Variants in CMC1 observed in about 807,000 individuals in gnomAD.
CMC1 encodes C-X9-C motif containing 1, also known as COX assembly mitochondrial protein homolog.
Under a neutral mutation model 14.1 loss-of-function variants are expected in CMC1, and 14 were observed. The observed-to-expected ratio is 0.99, with a 90% CI of 0.66 to 1.55. CMC1 has a LOEUF of 1.55. Ranked by LOEUF, CMC1 falls within the 40% of genes most tolerant of loss-of-function variation. The pLI, the probability that CMC1 is intolerant of heterozygous loss-of-function variation, is 0.00. For missense variants in CMC1, 127 were observed against 123.8 expected (o/e 1.03, Z -0.12); for synonymous variants, 50 against 38.4 (o/e 1.30, Z -1.12).
intron 3 of CMC1, chr3:28,317,682 G>A (rs917376140): frequency 6.6e-6 from 1 of 151,990 alleles, no homozygotes; most frequent in Non-Finnish European, 1.5e-5. Flanking sequence ...GGCAACCTGG[G>A]TTCAGCTTCT....
At chr3:28,279,961 A>T (rs572480039) in intron 2 of CMC1, among the ~76,000 whole-genome samples, 1 of 152,342 alleles carries the variant, frequency 6.6e-6, no homozygotes, top group East Asian at 1.9e-4. Context: ...CTGTATGCTA[A>T]TATTTATAGT....
chr3:28,291,610 G>A (rs1701473110), intron 2 of CMC1, among the ~76,000 whole-genome samples: 1 of 152,114 alleles, frequency 6.6e-6, no homozygotes, highest in Non-Finnish European at 1.5e-5. Flanking sequence ...TGACATTTGA[G>A]ATGAATCTTC....
In CMC1 at chr3:28,316,373, A is replaced by G; in HGVS notation, c.150A>G (p.Val50=). The change falls in exon 3 of 4, where the codon GTA becomes GTG. Residue 50 remains valine (V), a synonymous_variant. Coordinates refer to ENST00000466830, the MANE Select transcript of CMC1 (RefSeq NM_182523.2). ...GCAAGAACTCTGGAGTTCTTATGGT[A>G]GTAAAATGCCGGAAAGAAAATTCTG... The part of the protein sequence containing the change: ...KCCKNSGVLM[V]VKCRKENSAL... 6.3e-7 allele frequency: 1 copy of G among 1,596,822 alleles called. No individual in the cohort carries two copies. The highest frequency in any genetic ancestry group is 8.5e-7 in the Non-Finnish European group (1 of 1,173,496).
At chr3:28,274,783 C>T (rs373164306) in intron 2 of CMC1, among the ~76,000 whole-genome samples, 1 of 151,792 alleles carries the variant, frequency 6.6e-6, no homozygotes, top group African/African-American at 2.4e-5. Context: ...TACATAATCC[C>T]ATAGTTCTCG....
chr3:28,306,644 A>AT (rs201960912), intron 2 of CMC1, among the ~76,000 whole-genome samples: 4,773 of 141,922 alleles, frequency 0.034, 131 homozygotes, highest in African/African-American at 0.073. Flanking sequence ...AAAATGAAGA[A>AT]TTTTTTTTTT....
intron 2 of CMC1, among the ~76,000 whole-genome samples, chr3:28,314,103 G>T (rs1057209178): frequency 5.9e-5 from 9 of 152,166 alleles, no homozygotes; most frequent in African/African-American, 2.2e-4. Context: ...CCTTTAGCTA[G>T]CTTTAGCTAA....
At chr3:28,308,576 A>G (rs942762329) in intron 2 of CMC1, among the ~76,000 whole-genome samples, 13 of 152,240 alleles carry the variant, frequency 8.5e-5, no homozygotes, top group African/African-American at 3.1e-4. Context: ...ATCCTAGTTG[A>G]TAAAATGAAT....
intron 2 of CMC1, among the ~76,000 whole-genome samples, chr3:28,281,911 A>T (rs1344893051): frequency 6.6e-6 from 1 of 152,166 alleles, no homozygotes; most frequent in African/African-American, 2.4e-5. Context: ...CAGCAAAGAG[A>T]TTGACCTTAG....
rs182610124 is a variant in CMC1, at chr3:28,313,415, A to C, written c.110-2918A>C. Among the ~76,000 whole-genome samples the C allele has an allele frequency of 4.8e-3, 729 of 152,330 alleles. 7 individuals carry two copies. Among genetic ancestry groups the C allele is most frequent in the Non-Finnish European group, 7.2e-3 (491 of 68,030 alleles). ...AATTTTATAGTTTTTAATAGTAATT[A>C]AAATTATTGATAGAATCAGATATAC... On this transcript the variant is annotated intron_variant, in intron 2 of 3. Coordinates refer to ENST00000466830, the MANE Select transcript of CMC1 (RefSeq NM_182523.2).
At chr3:28,293,465 A>G (rs1305123666) in intron 2 of CMC1, among the ~76,000 whole-genome samples, 1 of 152,188 alleles carries the variant, frequency 6.6e-6, no homozygotes, top group Non-Finnish European at 1.5e-5. Flanking sequence ...GTGAACCAGG[A>G]CACATTAAGT....
chr3:28,264,221 C>A (rs1699889489), intron 2 of CMC1, among the ~76,000 whole-genome samples: 1 of 152,094 alleles, frequency 6.6e-6, no homozygotes, highest in East Asian at 1.9e-4. Flanking sequence ...TATTGAGGGA[C>A]CACAATAATT....
intron 2 of CMC1, among the ~76,000 whole-genome samples, chr3:28,265,587 A>T (rs1429164767): frequency 6.6e-6 from 1 of 151,236 alleles, no homozygotes; most frequent in Non-Finnish European, 1.5e-5. Context: ...TGCCTAAAAC[A>T]TGATTATGTA....
At chr3:28,246,752 A>G (rs575618049) in intron 1 of CMC1, among the ~76,000 whole-genome samples, 72 of 149,462 alleles carry the variant, frequency 4.8e-4, no homozygotes, top group African/African-American at 1.7e-3. Flanking sequence ...GACCTTGTAA[A>G]TATTTGCTTC....
rs375047554 is a variant in CMC1, at chr3:28,258,814, A to G, written c.20-4477A>G. ...TTTTATATTTTTTTTTAGTAGAGAC[A>G]GGGTTTCACTGTGTTAGCCAGGATG... is the stretch of plus-strand genomic sequence containing the variant. On this transcript the variant is annotated intron_variant, in intron 1 of 3. Coordinates refer to ENST00000466830, the MANE Select transcript of CMC1 (RefSeq NM_182523.2). Among the ~76,000 whole-genome samples, 15 of 151,544 alleles carry G rather than the reference A, an allele frequency of 9.9e-5. No homozygotes were observed. The East Asian group carries it at 1.9e-3, about 20-fold the overall frequency.
At chr3:28,245,196 A>G (rs142710029) in intron 1 of CMC1, among the ~76,000 whole-genome samples, 1 of 152,310 alleles carries the variant, frequency 6.6e-6, no homozygotes, top group East Asian at 1.9e-4. Flanking sequence ...TTAACTTTGT[A>G]GGGTCTCTGT....
intron 2 of CMC1, among the ~76,000 whole-genome samples, chr3:28,264,360 G>C (rs1298701564): frequency 6.6e-6 from 1 of 152,108 alleles, no homozygotes; most frequent in Non-Finnish European, 1.5e-5. Context: ...TCCCTTCCCT[G>C]TCCTCTGCCC....
chr3:28,265,501 C>T (rs748730560), intron 2 of CMC1, among the ~76,000 whole-genome samples: 5 of 152,032 alleles, frequency 3.3e-5, no homozygotes, highest in Admixed American at 6.6e-5. Flanking sequence ...TATATAAAAG[C>T]ATTATATATG....
chr3:28,297,391 A>G (rs1408586296), intron 2 of CMC1, among the ~76,000 whole-genome samples: 1 of 152,080 alleles, frequency 6.6e-6, no homozygotes, highest in Non-Finnish European at 1.5e-5. Context: ...TCATAGGACC[A>G]TGGAAGAGAA....
Position 28,316,330 on chromosome 3 carries a change from C to T in CMC1, c.110-3C>T. 6.6e-7 allele frequency: 1 copy of T among 1,512,512 alleles called. No homozygotes were observed. The highest frequency in any genetic ancestry group is 8.9e-7 in the Non-Finnish European group (1 of 1,119,004). 93.7% of individuals were successfully genotyped at this position (1,512,512 alleles called of 1,614,324 possible). On this transcript the variant is annotated splice_polypyrimidine_tract_variant and splice_region_variant and intron_variant, in intron 2 of 3. Coordinates refer to ENST00000466830, the MANE Select transcript of CMC1 (RefSeq NM_182523.2). ...TAATTTTTTCCTTCCAAATTTATTT[C>T]AGATTTTACCAAATGTTGCAAGAAC...
Sources: gnomAD v4.1 joint callset for allele counts (sites outside exome capture counted in the v4.1 genomes callset) on GRCh38, gnomAD v4.1.1 for gene constraint, MANE v1.5 for transcripts, NCBI Gene and HGNC (gene_info 2026-07-23, HGNC 2026-07-21) for gene names.